The following RICTOR variants were observed in gnomAD, a reference collection of about 807,000 sequenced individuals.
RICTOR encodes RPTOR independent companion of MTOR complex 2.
A neutral mutation model predicts 214.9 loss-of-function variants in RICTOR; 49 were observed. That is an observed-to-expected ratio of 0.23 (90% CI 0.18 to 0.29). RICTOR has a LOEUF of 0.29. Among genes scored for constraint, RICTOR ranks in the 10% least tolerant of loss-of-function variants. RICTOR has a pLI of 1.00. For synonymous variants in RICTOR, 717 were observed against 711.3 expected (o/e 1.01, Z -0.13); for missense variants, 1,625 against 2,047.0 (o/e 0.79, Z 3.98).
At chr5:38,943,805 T>A (rs546352118) in intron 36 of RICTOR, among the ~76,000 whole-genome samples, 1 of 151,982 alleles carries the variant, frequency 6.6e-6, no homozygotes, top group Non-Finnish European at 1.5e-5. Flanking sequence ...AGAGCAAGAC[T>A]CCGTCTCAAA....
At chr5:39,061,758 G>GT (rs1341131304) in intron 2 of RICTOR, among the ~76,000 whole-genome samples, 1 of 151,688 alleles carries the variant, frequency 6.6e-6, no homozygotes, top group Non-Finnish European at 1.5e-5. Context: ...AACTGCCACA[G>GT]TTTACCTGAA....
At chr5:38,980,290 A>G (rs1751599758) in intron 8 of RICTOR, among the ~76,000 whole-genome samples, 1 of 152,048 alleles carries the variant, frequency 6.6e-6, no homozygotes, top group East Asian at 1.9e-4. Flanking sequence ...TTACGTGACT[A>G]ATTTCCAACT....
intron 7 of RICTOR, 73 bp from the exon 8 acceptor site, chr5:38,982,109 C>G (rs139731267): frequency 1.8e-6 from 2 of 1,084,070 alleles, no homozygotes; most frequent in Non-Finnish European, 2.7e-6. Flanking sequence ...GGCTTTAAAA[C>G]TTAATTGCCT....
At chr5:39,043,357 C>CATGATCTTA (rs960129838) in intron 2 of RICTOR, among the ~76,000 whole-genome samples, 2 of 152,078 alleles carry the variant, frequency 1.3e-5, no homozygotes, top group African/African-American at 4.8e-5. Context: ...ACCAGGAGGA[C>CATGATCTTA]ATGATCTTAA....
chr5:38,973,838 T>C (rs953884420), intron 10 of RICTOR, among the ~76,000 whole-genome samples: 8 of 152,202 alleles, frequency 5.3e-5, no homozygotes, highest in Non-Finnish European at 1.2e-4. Context: ...TAAAAGATCA[T>C]TTTTCAATCA....
chr5:39,031,769 A>G (rs950144985), intron 2 of RICTOR, among the ~76,000 whole-genome samples: 5 of 152,226 alleles, frequency 3.3e-5, no homozygotes, highest in African/African-American at 1.2e-4. Context: ...GTAGAACAAA[A>G]TTAAACAATT....
rs930501693 is a variant in RICTOR at position 38,941,198 on chromosome 5, C to T, written c.*1106G>A. ...AAAGGCAATTAATATACTCATAAAC[C>T]CACCTACCACTGCATTTAGTTTGTG... is the stretch of plus-strand genomic sequence containing the variant. On this transcript the variant is annotated 3_prime_UTR_variant, in exon 38 of 38. Transcript: ENST00000357387. 3 of 232,704 alleles carry T rather than the reference C, an allele frequency of 1.3e-5. No homozygotes were observed. The highest frequency in any genetic ancestry group is 6.6e-5 in the African/African-American group (3 of 45,290). The allele number at this position is 232,704 out of a possible 1,614,324, so 14.4% of individuals were successfully genotyped here.
chr5:38,957,389 A>G (rs780348774), intron 25 of RICTOR, among the ~76,000 whole-genome samples: 9 of 152,298 alleles, frequency 5.9e-5, no homozygotes, highest in Middle Eastern at 3.4e-3. Context: ...AGATTATAAA[A>G]TCAAATGAGT....
At chr5:39,069,044 G>A (rs900019183) in intron 2 of RICTOR, among the ~76,000 whole-genome samples, 7 of 152,112 alleles carry the variant, frequency 4.6e-5, no homozygotes, top group Non-Finnish European at 1.0e-4. Flanking sequence ...TGAATATTAA[G>A]TAAAATAATG....
At chr5:38,958,091 G>T (rs1749449634) in intron 24 of RICTOR, among the ~76,000 whole-genome samples, 1 of 151,908 alleles carries the variant, frequency 6.6e-6, no homozygotes, top group Non-Finnish European at 1.5e-5. Context: ...CAAAAAATTA[G>T]CTGGGCGTGG....
chr5:38,968,114 T>A (rs1273927303), intron 11 of RICTOR, 84 bp from the exon 12 acceptor site: 1 of 781,946 alleles, frequency 1.3e-6, no homozygotes, highest in Non-Finnish European at 2.2e-6. Flanking sequence ...TTTTTTAAAA[T>A]GATAAAAACA....
chr5:39,007,389 C>G (rs558916076), intron 3 of RICTOR, among the ~76,000 whole-genome samples: 5 of 152,046 alleles, frequency 3.3e-5, no homozygotes, highest in African/African-American at 1.2e-4. Context: ...TAGATTAGGC[C>G]CACCCACCCA....
intron 6 of RICTOR, among the ~76,000 whole-genome samples, chr5:38,994,087 G>A (rs1428937294): frequency 6.6e-6 from 1 of 152,034 alleles, no homozygotes; most frequent in Non-Finnish European, 1.5e-5. Flanking sequence ...CTACTGGGGA[G>A]GCTGAGGCAG....
In RICTOR at chr5:38,961,334, C is replaced by T. The variant is rs190820146; in HGVS notation, c.1716-801G>A. 3.9e-3 allele frequency among the ~76,000 whole-genome samples: 590 copies of T among 152,184 alleles called. 1 individual carries two copies. The highest frequency in any genetic ancestry group is 6.6e-3 in the Non-Finnish European group (447 of 67,986). Reference sequence around the variant, plus strand: ...ATTCATGAAGAACTTTGTCCCATGGCTCAATAATGTTCTATTGTTAAGATA... The same window carrying T: ...ATTCATGAAGAACTTTGTCCCATGGTTCAATAATGTTCTATTGTTAAGATA... On this transcript the variant is annotated intron_variant, in intron 19 of 37. Coordinates refer to ENST00000357387, the MANE Select transcript of RICTOR (RefSeq NM_152756.5).
chr5:39,019,826 T>C (rs980330430), intron 3 of RICTOR, among the ~76,000 whole-genome samples: 1 of 152,200 alleles, frequency 6.6e-6, no homozygotes, highest in Non-Finnish European at 1.5e-5. Flanking sequence ...TAGACAGTGA[T>C]TCCTCTGATG....
chr5:39,025,180 A>G (rs1274244836), intron 2 of RICTOR, among the ~76,000 whole-genome samples: 1 of 152,138 alleles, frequency 6.6e-6, no homozygotes, highest in African/African-American at 2.4e-5. Context: ...TATAATTACC[A>G]AGAACCTCCA....
chr5:38,991,964 G>C (rs1189786800), intron 6 of RICTOR, among the ~76,000 whole-genome samples: 1 of 152,030 alleles, frequency 6.6e-6, no homozygotes, highest in Admixed American at 6.6e-5. Flanking sequence ...TAGATTTATT[G>C]TCCTGTTGAT....
intron 3 of RICTOR, among the ~76,000 whole-genome samples, chr5:39,019,177 C>T (rs1012907680): frequency 6.6e-6 from 1 of 152,144 alleles, no homozygotes; most frequent in East Asian, 1.9e-4. Flanking sequence ...ATCTCCGTAA[C>T]ATAAAATGGC....
At chr5:39,006,575 C>A (rs1441080219) in intron 3 of RICTOR, among the ~76,000 whole-genome samples, 1 of 151,626 alleles carries the variant, frequency 6.6e-6, no homozygotes, top group African/African-American at 2.4e-5. Context: ...CACATCACAT[C>A]CACGAGAAGC....
Sources: gnomAD v4.1 joint callset for allele counts (sites outside exome capture counted in the v4.1 genomes callset) on GRCh38, gnomAD v4.1.1 for gene constraint, MANE v1.5 for transcripts, NCBI Gene and HGNC (gene_info 2026-07-23, HGNC 2026-07-21) for gene names.